Variants in CCDC117 observed in about 807,000 individuals in gnomAD.
CCDC117 encodes the protein coiled-coil domain containing 117.
CCDC117 carries 1 observed loss-of-function variant against 23.5 expected under a neutral mutation model. That is an observed-to-expected ratio of 0.04 (90% CI 0.02 to 0.20). The LOEUF (loss-of-function observed/expected upper bound fraction) is 0.20, where lower values mean the gene tolerates loss of function less well. CCDC117 is among the 10% of genes least tolerant of loss of function. The pLI is 1.00. For synonymous variants in CCDC117, 132 were observed against 124.8 expected, an observed-to-expected ratio of 1.06 and a Z score of -0.39; for missense variants, 383 against 348.2, an observed-to-expected ratio of 1.10 and a Z score of -0.80.
At chr22:28,774,070 G>GT (rs67314143) in intron 2 of CCDC117, among the ~76,000 whole-genome samples, 30,563 of 125,882 alleles carry the variant, frequency 0.24, 3,581 homozygotes, top group South Asian at 0.46. Flanking sequence ...TTTTGTTTTT[G>GT]TTTTTTTTTT....
At chr22:28,774,490 G>C (rs899760926) in intron 2 of CCDC117, among the ~76,000 whole-genome samples, 2 of 149,112 alleles carry the variant, frequency 1.3e-5, no homozygotes, top group African/African-American at 2.5e-5. Flanking sequence ...CTCAGCTTCA[G>C]CCTCCTGAAC....
intron 2 of CCDC117, among the ~76,000 whole-genome samples, chr22:28,776,956 GTAA>G: frequency 6.6e-6 from 1 of 151,608 alleles, no homozygotes. Context: ...ATGACTTCAA[GTAA>G]TCTGCCCGCC....
At position 28,786,197 on chromosome 22, in the gene CCDC117, T is replaced by G; in HGVS notation, c.711T>G (p.Ala237=). Residue 237 remains alanine (A), a synonymous_variant, in exon 5 of 5, where the codon GCT becomes GCG. Coordinates refer to ENST00000249064, the MANE Select transcript of CCDC117 (RefSeq NM_173510.4). ...AGAACTATACAGGAGAGAGCCAAGC[T>G]AAGCATGTAGCTGCTGGCACTGCCT... ...NTKNYTGESQ[A]KHVAAGTAFP... 1 of 1,614,170 alleles carries G rather than the reference T, an allele frequency of 6.2e-7. No homozygotes were observed. Among genetic ancestry groups the G allele is most frequent in the Non-Finnish European group, 8.5e-7 (1 of 1,179,990 alleles).
rs192293760 is a variant in CCDC117, at chr22:28,778,056, A to T, written c.240-2892A>T. On this transcript the variant is annotated intron_variant, in intron 2 of 4. Transcript: ENST00000249064. ...AAGGCAGGGTTTCACCCTGTTAGCC[A>T]GGATGGTCTCTATCTCCTGACCTTG... Among the ~76,000 whole-genome samples the T allele has an allele frequency of 4.5e-4, 69 of 152,112 alleles. 1 individual carries two copies. Among genetic ancestry groups the T allele is most frequent in the Admixed American group, 2.0e-3 (30 of 15,256 alleles).
In CCDC117 at chr22:28,773,020, T is replaced by A. The variant is rs1462512313; in HGVS notation, c.171T>A (p.Ser57Arg). The change falls in exon 1 of 5, where the codon AGT (serine) becomes AGA (arginine). Residue 57 changes from serine (S) to arginine (R), a missense_variant. Physicochemically the swap from Ser to Arg is moderately radical, Grantham distance 110 (BLOSUM62 -1). Coordinates refer to ENST00000249064, the MANE Select transcript of CCDC117 (RefSeq NM_173510.4). ...PRAVPSSPAG[S>R]AARGRVSVHC... is the part of the protein sequence containing the mutation. The stretch of plus-strand genomic sequence containing the variant: ...CAGTCCCTAGCAGTCCCGCTGGGAG[T>A]GCGGCGCGCGGACGGTGAGGAGCCC... The A allele has an allele frequency of 5.2e-6, 6 of 1,155,760 alleles. No individual in the cohort carries two copies. Among genetic ancestry groups the A allele is most frequent in the Non-Finnish European group, 6.4e-6 (6 of 939,274 alleles). The allele number at this position is 1,155,760 out of a possible 1,614,324, so 71.6% of individuals were successfully genotyped here.
At chr22:28,781,245 G>GT in intron 3 of CCDC117, 73 bp downstream of exon 3, 1 of 786,394 alleles carries the variant, frequency 1.3e-6, no homozygotes. Context: ...AGCTAGTTCT[G>GT]TTTATCATTT....
Position 28,778,336 on chromosome 22 carries a change from G to A in CCDC117, c.240-2612G>A, listed in dbSNP as rs868143526. 1.8e-3 allele frequency among the ~76,000 whole-genome samples: 273 copies of A among 152,052 alleles called. 1 individual carries two copies. Among genetic ancestry groups the A allele is most frequent in the African/African-American group, 6.2e-3 (258 of 41,506 alleles). On this transcript the variant is annotated intron_variant, in intron 2 of 4. Transcript: ENST00000249064. ...ATTTAAAAATCACTAGGTCGGGTGC[G>A]GTGGCTCATGCCTGTAATCCTAGCA...
At chr22:28,783,942 C>T (rs750535299) in intron 4 of CCDC117, among the ~76,000 whole-genome samples, 1 of 152,122 alleles carries the variant, frequency 6.6e-6, no homozygotes, top group Non-Finnish European at 1.5e-5. Context: ...TCTCAAGTTC[C>T]TGTGATACAG....
rs773258300 is a variant in CCDC117, at chr22:28,783,522, A to G, written c.479A>G (p.Asp160Gly). The change falls in exon 4 of 5, where the codon GAT becomes GGT. Residue 160 changes from aspartate to glycine, a missense_variant. Asp to Gly is a moderately conservative substitution (Grantham distance 94). Coordinates refer to ENST00000249064, the MANE Select transcript of CCDC117 (RefSeq NM_173510.4). ...QEIEDRIIDEDEEVEADRNVN... is the reference protein window; with the variant it reads ...QEIEDRIIDEGEEVEADRNVN... The stretch of plus-strand genomic sequence containing the variant: ...AATTGATTTAGGATAATTGATGAAG[A>G]TGAAGAAGTTGAAGCTGACAGAAAT... 2 of 1,613,448 alleles carry G rather than the reference A, an allele frequency of 1.2e-6. No individual in the cohort carries two copies. The highest frequency in any genetic ancestry group is 1.7e-6 in the Non-Finnish European group (2 of 1,179,778).
intron 2 of CCDC117, among the ~76,000 whole-genome samples, chr22:28,777,321 C>G (rs2031194122): frequency 1.3e-5 from 2 of 152,138 alleles, no homozygotes; most frequent in African/African-American, 4.8e-5. Flanking sequence ...TTGTGAGCCA[C>G]TGCGCCTGGC....
chr22:28,781,197 G>GT (rs752205584), intron 3 of CCDC117, 25 bp downstream of exon 3: 128 of 1,417,280 alleles, frequency 9.0e-5, no homozygotes, highest in Non-Finnish European at 7.8e-5. Context: ...TATATAGCTG[G>GT]TTTTTTGCTG....
At chr22:28,773,346 C>A in intron 1 of CCDC117, 1 of 184,214 alleles carries the variant, frequency 5.4e-6, no homozygotes, top group Non-Finnish European at 1.1e-5. Context: ...CCCCTCGGCG[C>A]GGCCGCTGTT....
chr22:28,783,086 C>G (rs141301404), intron 3 of CCDC117, among the ~76,000 whole-genome samples: 1,911 of 152,112 alleles, frequency 0.013, 46 homozygotes, highest in African/African-American at 0.044. Context: ...CTGTTGCCCA[C>G]GCTGGTGTGC....
chr22:28,774,040 A>G (rs1003352853), intron 2 of CCDC117, among the ~76,000 whole-genome samples: 2 of 151,938 alleles, frequency 1.3e-5, no homozygotes, highest in African/African-American at 4.8e-5. Flanking sequence ...AAAATAATTT[A>G]AAGGATACAT....
chr22:28,784,064 A>T (rs1430877993), intron 4 of CCDC117, among the ~76,000 whole-genome samples: 1 of 152,260 alleles, frequency 6.6e-6, no homozygotes, highest in Non-Finnish European at 1.5e-5. Context: ...GTTGCTGCAA[A>T]GACTGCAAAA....
chr22:28,781,351 T>TTTG (rs1569198973), intron 3 of CCDC117, among the ~76,000 whole-genome samples, 179 bp downstream of exon 3: 3 of 11,316 alleles, frequency 2.7e-4, no homozygotes, highest in African/African-American at 8.9e-4. Context: ...TTTTTTTTTT[T>TTTG]TTTTTTTTTT....
chr22:28,788,593 C>T lies in CCDC117; in HGVS notation c.*2267C>T, dbSNP rs895139088. ...GAGCTTATTTCAGTAGTCAAGTTACCTGACATGATAATTATTTCTGCAGGA... is the reference window on the plus strand; with the variant it reads ...GAGCTTATTTCAGTAGTCAAGTTACTTGACATGATAATTATTTCTGCAGGA... On this transcript the variant is annotated 3_prime_UTR_variant, in exon 5 of 5. Coordinates refer to ENST00000249064, the MANE Select transcript of CCDC117 (RefSeq NM_173510.4). 1 of 152,642 alleles carries T rather than the reference C, an allele frequency of 6.6e-6. No individual in the cohort carries two copies. The highest frequency in any genetic ancestry group is 2.4e-5 in the African/African-American group (1 of 41,454). 9.5% of individuals were successfully genotyped at this position (152,642 alleles called of 1,614,324 possible). A position where few individuals can be genotyped will look rare whatever the true frequency, so the allele number is the denominator to read the frequency against.
chr22:28,779,290 C>G (rs969491069), intron 2 of CCDC117, among the ~76,000 whole-genome samples: 22 of 152,094 alleles, frequency 1.4e-4, no homozygotes, highest in Admixed American at 8.5e-4. Flanking sequence ...CAACCTCCCC[C>G]CTCCTGGGTT....
In CCDC117 at chr22:28,785,621, A is replaced by T. The variant is rs555447025; in HGVS notation, c.603-468A>T. ...CTACATGTAATATTAACCACAACTTAAAAAAATTTCCAACAATCAAGGGCT... is the reference window on the plus strand; with the variant it reads ...CTACATGTAATATTAACCACAACTTTAAAAAATTTCCAACAATCAAGGGCT... On this transcript the variant is annotated intron_variant, in intron 4 of 4. Coordinates refer to ENST00000249064, the MANE Select transcript of CCDC117 (RefSeq NM_173510.4). Among the ~76,000 whole-genome samples, 73 of 152,322 alleles carry T rather than the reference A, an allele frequency of 4.8e-4. No individual in the cohort carries two copies. The South Asian group carries it at 0.015, about 30-fold the overall frequency.
Sources: gnomAD v4.1 joint callset for allele counts (sites outside exome capture counted in the v4.1 genomes callset) on GRCh38, gnomAD v4.1.1 for gene constraint, MANE v1.5 for transcripts, NCBI Gene and HGNC (gene_info 2026-07-23, HGNC 2026-07-21) for gene names.